The following DYNC2H1 variants were observed in gnomAD, a reference collection of about 807,000 sequenced individuals.
DYNC2H1 encodes cytoplasmic dynein 2 heavy chain 1.
Under a neutral mutation model 570.0 loss-of-function variants are expected in DYNC2H1, and 410 were observed. The ratio of observed to expected loss-of-function variants is 0.72; its 90% CI spans 0.66 to 0.78. The LOEUF (loss-of-function observed/expected upper bound fraction) is 0.78, where lower values mean the gene tolerates loss of function less well. Ranked by LOEUF, DYNC2H1 falls within the 30% of genes least tolerant of loss-of-function variation. The pLI is 0.00. For synonymous variants in DYNC2H1, 1,688 were observed against 1,677.6 expected (o/e 1.01, Z -0.15); for missense variants, 4,865 against 5,046.4 (o/e 0.96, Z 1.09).
At chr11:103,112,149 G>C (rs191592149) in intron 1 of DYNC2H1, among the ~76,000 whole-genome samples, 1 of 152,262 alleles carries the variant, frequency 6.6e-6, no homozygotes, top group African/African-American at 2.4e-5. Flanking sequence ...GCATAACCTG[G>C]GGGAAGAGTG....
At chr11:103,288,564 G>C (rs1211928092) in intron 75 of DYNC2H1, among the ~76,000 whole-genome samples, 11 of 150,874 alleles carry the variant, frequency 7.3e-5, no homozygotes. Context: ...TATGGTTTAG[G>C]TACTGGGTGT....
At position 103,261,758 on chromosome 11, in the gene DYNC2H1, G is replaced by A. The variant is rs1168206564; in HGVS notation, c.10695+1781G>A. On this transcript the variant is annotated intron_variant, in intron 70 of 88. Coordinates refer to ENST00000375735, the MANE Select transcript of DYNC2H1 (RefSeq NM_001377.3). This position sits in a 1 kb window ranked among gnomAD's most constrained non-coding sequence, Gnocchi z 4.8. The stretch of plus-strand genomic sequence containing the variant: ...AGATGAGGAAAAACCAGCGCAAAAA[G>A]ACTGAAAATTCCAAAAACCAGAATG... Among the ~76,000 whole-genome samples the A allele has an allele frequency of 6.6e-6, 1 of 152,216 alleles. No individual in the cohort carries two copies. The highest frequency in any genetic ancestry group is 2.4e-5 in the African/African-American group (1 of 41,456).
chr11:103,205,030 A>G lies in DYNC2H1; in HGVS notation c.8454+66A>G, dbSNP rs928661137. 3.5e-5 allele frequency: 51 copies of G among 1,453,374 alleles called. No homozygotes were observed. Among genetic ancestry groups the G allele is most frequent in the Non-Finnish European group, 4.1e-5 (44 of 1,075,532 alleles). 90.0% of individuals were successfully genotyped at this position (1,453,374 alleles called of 1,614,324 possible). A position where few individuals can be genotyped will look rare whatever the true frequency, so the allele number is the denominator to read the frequency against. ...ATTTTTGAAGTTATTGATTTTCACA[A>G]CTTCTCTTTGGTGTTGGTTATAACA... On this transcript the variant is annotated intron_variant, in intron 52 of 88. Coordinates refer to ENST00000375735, the MANE Select transcript of DYNC2H1 (RefSeq NM_001377.3). The surrounding 1 kb of genome is among the most constrained non-coding windows in gnomAD (Gnocchi z 4.5).
In DYNC2H1 at chr11:103,430,699, A is replaced by G. The variant is rs182912201; in HGVS notation, c.12367-5244A>G. Among the ~76,000 whole-genome samples the G allele has an allele frequency of 6.1e-4, 92 of 150,618 alleles. 1 individual carries two copies. Among genetic ancestry groups the G allele is most frequent in the African/African-American group, 2.2e-3 (90 of 40,764 alleles). On this transcript the variant is annotated intron_variant, in intron 84 of 88. Coordinates refer to ENST00000375735, the MANE Select transcript of DYNC2H1 (RefSeq NM_001377.3). ...CTTAAGTCATCAGCCCATTTCTGTC[A>G]TGTCTTATTAATGCTTCTTCCTTTC...
chr11:103,187,474 G>A lies in DYNC2H1; in HGVS notation c.7028G>A (p.Gly2343Asp), dbSNP rs1248964881. The A allele has an allele frequency of 1.2e-6, 2 of 1,613,312 alleles. No homozygotes were observed. The highest frequency in any genetic ancestry group is 8.5e-7 in the Non-Finnish European group (1 of 1,179,502). The change falls in exon 43 of 89, where the codon GGT becomes GAT. Residue 2343 changes from glycine (G) to aspartate (D), a missense_variant. Gly to Asp is a moderately conservative substitution (Grantham distance 94). Around this residue, in one of 5 missense-constraint regions of DYNC2H1, gnomAD observed 2,401 missense variants for 2,454.6 expected, o/e 0.98. Transcript: ENST00000375735. Reference sequence around the variant, plus strand: ...TGCATGGTAATCAGTACTAATACTGGTCGTGTATACAGACCAAAAGACTGT... The same window carrying A: ...TGCATGGTAATCAGTACTAATACTGATCGTGTATACAGACCAAAAGACTGT... ...QTCMVISTNTGRVYRPKDCER... is the reference protein window; with the variant it reads ...QTCMVISTNTDRVYRPKDCER...
chr11:103,117,673 T>G lies in DYNC2H1; in HGVS notation c.809T>G (p.Leu270Trp). 1 of 1,609,200 alleles carries G rather than the reference T, an allele frequency of 6.2e-7. No homozygotes were observed. The highest frequency in any genetic ancestry group is 8.5e-7 in the Non-Finnish European group (1 of 1,177,108). Reference protein sequence around the residue: ...GRFVQKKLGTLNLWEDPYYLV... With the variant: ...GRFVQKKLGTWNLWEDPYYLV... ...TTTGTTCAGAAAAAGTTGGGAACTT[T>G]GAACCTGTGGGAAGATCCTTATTAT... The change falls in exon 6 of 89, where the codon TTG (leucine) becomes TGG (tryptophan). Residue 270 changes from leucine to tryptophan, a missense_variant. Physicochemically the swap from Leu to Trp is moderately conservative, Grantham distance 61. This residue lies in a region of DYNC2H1 where 1,936 missense variants were observed against 1,962.1 expected (regional missense o/e 0.99). Coordinates refer to ENST00000375735, the MANE Select transcript of DYNC2H1 (RefSeq NM_001377.3).
chr11:103,141,438 G>A (rs1439657816), intron 17 of DYNC2H1, among the ~76,000 whole-genome samples: 1 of 152,192 alleles, frequency 6.6e-6, no homozygotes, highest in Admixed American at 6.5e-5. Flanking sequence ...ACCCTCAACT[G>A]TAGGTCTGTT....
rs906499562 is a variant in DYNC2H1, at chr11:103,209,187, T to G, written c.8455-689T>G. On this transcript the variant is annotated intron_variant, in intron 52 of 88. Coordinates refer to ENST00000375735, the MANE Select transcript of DYNC2H1 (RefSeq NM_001377.3). This position sits in a 1 kb window ranked among gnomAD's most constrained non-coding sequence, Gnocchi z 4.2. The stretch of plus-strand genomic sequence containing the variant: ...ATCACTTGTGTTTTCTTCTTGCTGG[T>G]AACTTCAGCTCTATCAGGTGAAAGA... 2.8e-4 allele frequency among the ~76,000 whole-genome samples: 42 copies of G among 152,140 alleles called. No individual in the cohort carries two copies. The highest frequency in any genetic ancestry group is 9.4e-4 in the African/African-American group (39 of 41,450).
Position 103,325,636 on chromosome 11 carries a change from T to C in DYNC2H1, c.12039+1646T>C, listed in dbSNP as rs963907323. Among the ~76,000 whole-genome samples the C allele has an allele frequency of 6.6e-6, 1 of 152,210 alleles. No homozygotes were observed. The highest frequency in any genetic ancestry group is 1.5e-5 in the Non-Finnish European group (1 of 68,032). ...TGTATACTGCTGTTAATACTTCTGA[T>C]TGTATTATGAAATTCTTGTAGTGAA... On this transcript the variant is annotated intron_variant, in intron 82 of 88. Transcript: ENST00000375735. The surrounding 1 kb of genome is among the most constrained non-coding windows in gnomAD (Gnocchi z 4.8).
rs749141425 is a variant in DYNC2H1 at position 103,231,338 on chromosome 11, C to T, written c.9432C>T (p.Leu3144=). The change falls in exon 60 of 89, where the codon CTC becomes CTT. Residue 3144 remains leucine, a synonymous_variant. Transcript: ENST00000375735. ...CTGTTGGTCAAAAGGTATCAGAACTCAAAGAAAAGTAAGTTATATTTTGAA... is the reference window on the plus strand; with the variant it reads ...CTGTTGGTCAAAAGGTATCAGAACTTAAAGAAAAGTAAGTTATATTTTGAA... ...LNSVGQKVSE[L]KEKFQSRTSE... is the part of the protein sequence containing the mutation. 1.9e-6 allele frequency: 3 copies of T among 1,597,848 alleles called. No homozygotes were observed. In the Admixed American group the frequency reaches 5.2e-5, roughly 27 times the overall value.
chr11:103,255,239 C>T (rs1323198412), intron 66 of DYNC2H1, among the ~76,000 whole-genome samples, 176 bp from the exon 67 acceptor site: 2 of 152,086 alleles, frequency 1.3e-5, no homozygotes, highest in Non-Finnish European at 2.9e-5. Flanking sequence ...TGTTTTGTCT[C>T]TTTTTCATCA....
intron 83 of DYNC2H1, among the ~76,000 whole-genome samples, chr11:103,397,225 C>T (rs1478870190): frequency 6.6e-6 from 1 of 152,136 alleles, no homozygotes; most frequent in Non-Finnish European, 1.5e-5. Context: ...TCTGTATACA[C>T]TGAGCTTTTT....
Position 103,241,019 on chromosome 11 carries a change from T to C in DYNC2H1, c.9820-2674T>C, listed in dbSNP as rs1248698091. Among the ~76,000 whole-genome samples the C allele has an allele frequency of 6.6e-6, 1 of 152,140 alleles. No homozygotes were observed. The highest frequency in any genetic ancestry group is 6.6e-5 in the Admixed American group (1 of 15,250). The stretch of plus-strand genomic sequence containing the variant: ...TATTCCCCTCTATATCATGCTGTTG[T>C]TTTTGCCTGAAATGTTTTTCTTTCT... On this transcript the variant is annotated intron_variant, in intron 63 of 88. Coordinates refer to ENST00000375735, the MANE Select transcript of DYNC2H1 (RefSeq NM_001377.3). The surrounding 1 kb of genome is among the most constrained non-coding windows in gnomAD (Gnocchi z 5.1).
chr11:103,300,383 G>A (rs892588557), intron 75 of DYNC2H1, among the ~76,000 whole-genome samples: 1 of 151,928 alleles, frequency 6.6e-6, no homozygotes, highest in African/African-American at 2.4e-5. Context: ...AATTCACAGT[G>A]CAATTATTAT....
chr11:103,307,455 G>A (rs1271947934), intron 77 of DYNC2H1, among the ~76,000 whole-genome samples: 1 of 152,056 alleles, frequency 6.6e-6, no homozygotes, highest in Non-Finnish European at 1.5e-5. Context: ...GATGGAATAA[G>A]TCAAAGAGAC....
chr11:103,122,106 C>A (rs528685026), intron 10 of DYNC2H1, among the ~76,000 whole-genome samples: 2 of 152,144 alleles, frequency 1.3e-5, no homozygotes, highest in East Asian at 3.9e-4. Context: ...TAGATGTAAA[C>A]GACTATTATT....
Position 103,323,931 on chromosome 11 carries a change from A to G in DYNC2H1, c.11980A>G (p.Ser3994Gly). 1.2e-6 allele frequency: 2 copies of G among 1,613,012 alleles called. No homozygotes were observed. The highest frequency in any genetic ancestry group is 1.1e-5 in the South Asian group (1 of 90,968). The change falls in exon 82 of 89, where the codon AGT becomes GGT. Residue 3994 changes from serine to glycine, a missense_variant. Around this residue, in one of 5 missense-constraint regions of DYNC2H1, gnomAD observed 2,401 missense variants for 2,454.6 expected, o/e 0.98. Coordinates refer to ENST00000375735, the MANE Select transcript of DYNC2H1 (RefSeq NM_001377.3). ...GAAAATTCCAGAGGACGACAAACCT[A>G]GTTTCTTTGGTCTGCCTGCCAATAT... ...IEKIPEDDKP[S>G]FFGLPANIAR...
At chr11:103,220,539 T>C (rs1018721190) in intron 56 of DYNC2H1, 84 bp from the exon 57 acceptor site, 2 of 1,336,490 alleles carry the variant, frequency 1.5e-6, no homozygotes, top group African/African-American at 3.0e-5. Context: ...TTTGCATAAA[T>C]GACAATAAAA....
chr11:103,375,168 T>A (rs192956252), intron 83 of DYNC2H1, among the ~76,000 whole-genome samples: 12 of 152,334 alleles, frequency 7.9e-5, no homozygotes, highest in African/African-American at 2.9e-4. Context: ...CCTTGGCAAC[T>A]TCCACATGGT....
Sources: gnomAD v4.1 joint callset for allele counts (sites outside exome capture counted in the v4.1 genomes callset) on GRCh38, gnomAD v4.1.1 for gene constraint, gnomAD v4.1.1 regional missense constraint, Gnocchi (gnomAD v3.1) non-coding constraint, MANE v1.5 for transcripts, NCBI Gene and HGNC (gene_info 2026-07-23, HGNC 2026-07-21) for gene names.